The following MBOAT7 variants were observed in gnomAD, a reference collection of about 807,000 sequenced individuals.
MBOAT7 encodes membrane bound acylglycerophosphatidylinositol O-acyltransferase MBOAT7.
MBOAT7 carries 40 observed loss-of-function variants against 47.4 expected under a neutral mutation model. The observed-to-expected ratio is 0.84, with a 90% CI of 0.66 to 1.10. MBOAT7 has a LOEUF of 1.10. Among genes scored for constraint, MBOAT7 ranks in the 50% least tolerant of loss-of-function variants. The pLI, the probability that MBOAT7 is intolerant of heterozygous loss-of-function variation, is 0.00. For missense variants in MBOAT7, 680 were observed against 655.6 expected (o/e 1.04, Z -0.41); for synonymous variants, 361 against 292.0 (o/e 1.24, Z -2.41).
intron 7 of MBOAT7, among the ~76,000 whole-genome samples, chr19:54,175,781 G>A (rs1322185208): frequency 1.3e-5 from 2 of 152,120 alleles, no homozygotes; most frequent in Non-Finnish European, 2.9e-5. Flanking sequence ...CTGGAGTGCA[G>A]TGGTGCAATC....
intron 7 of MBOAT7, among the ~76,000 whole-genome samples, chr19:54,175,981 C>T (rs1256958523): frequency 6.6e-6 from 1 of 152,136 alleles, no homozygotes; most frequent in Non-Finnish European, 1.5e-5. Context: ...CCGTGGCCTA[C>T]CAAAGTGCTG....
chr19:54,181,505 T>G (rs1178442252), intron 5 of MBOAT7, among the ~76,000 whole-genome samples: 1 of 148,882 alleles, frequency 6.7e-6, no homozygotes, highest in Non-Finnish European at 1.5e-5. Flanking sequence ...AAAATAAAAA[T>G]CAGCCAGGTG....
chr19:54,181,256 G>C (rs1432720675), intron 5 of MBOAT7, 123 bp from the exon 6 acceptor site: 10 of 1,215,422 alleles, frequency 8.2e-6, no homozygotes, highest in African/African-American at 1.6e-5. Context: ...CAGAGACTGG[G>C]CGCCGGGGAG....
At chr19:54,185,399 C>A (rs2076402185) in intron 4 of MBOAT7, among the ~76,000 whole-genome samples, 2 of 152,048 alleles carry the variant, frequency 1.3e-5, no homozygotes, top group South Asian at 4.1e-4. Flanking sequence ...CAACCTGACC[C>A]ATTTCCCCTG....
chr19:54,175,220 T>G (rs138724599), intron 7 of MBOAT7, among the ~76,000 whole-genome samples: 3 of 152,148 alleles, frequency 2.0e-5, no homozygotes, highest in African/African-American at 7.2e-5. Context: ...CCTCGTGATC[T>G]GCCCGCCTTG....
intron 7 of MBOAT7, 141 bp downstream of exon 7, chr19:54,178,623 AG>A: frequency 7.0e-7 from 1 of 1,436,046 alleles, no homozygotes; most frequent in Non-Finnish European, 9.1e-7. Context: ...AATTAGAGGC[AG>A]GGCAAAACCA....
intron 7 of MBOAT7, among the ~76,000 whole-genome samples, chr19:54,175,260 C>A (rs553413973): frequency 6.6e-6 from 1 of 152,122 alleles, no homozygotes; most frequent in Admixed American, 6.5e-5. Context: ...TCACAGGTGT[C>A]AGACACCACA....
intron 6 of MBOAT7, 52 bp from the exon 7 acceptor site, chr19:54,178,993 C>A: frequency 6.3e-7 from 1 of 1,592,290 alleles, no homozygotes; most frequent in East Asian, 2.2e-5. Context: ...CAGCCAGGCC[C>A]CCTCCCGACG....
Position 54,181,130 on chromosome 19 carries a change from G to C in MBOAT7, c.497C>G (p.Pro166Arg). Residue 166 changes from proline (P) to arginine (R), a missense_variant, in exon 6 of 8, where the codon CCG becomes CGG. Coordinates refer to ENST00000245615, the MANE Select transcript of MBOAT7 (RefSeq NM_024298.5). ...SYCYVGIMTG[P>R]FFRYRTYLDW... ...CAGGTAGGTGCGGTAGCGGAAGAAC[G>C]GGCCTGTGGGGCGGGGAGGGAGGGC... 1 of 1,467,074 alleles carries C rather than the reference G, an allele frequency of 6.8e-7. No homozygotes were observed. Among genetic ancestry groups the C allele is most frequent in the East Asian group, 2.5e-5 (1 of 40,416 alleles). 90.9% of individuals were successfully genotyped at this position (1,467,074 alleles called of 1,614,324 possible).
intron 3 of MBOAT7, 134 bp downstream of exon 3, chr19:54,188,083 C>T (rs1398690009): frequency 2.6e-6 from 2 of 759,894 alleles, no homozygotes; most frequent in Non-Finnish European, 2.0e-6. Context: ...AACAAACAAA[C>T]ATGAAACAGA....
At position 54,173,535 on chromosome 19, in the gene MBOAT7, G is replaced by A. The variant is rs973994903; in HGVS notation, c.*509C>T. ...GTGGCTCAGATGGAAGCCATGGGAC[G>A]GCCGTCCCCAGGCCCGCGCACCCGC... On this transcript the variant is annotated 3_prime_UTR_variant, in exon 8 of 8. Transcript: ENST00000245615. The A allele has an allele frequency of 1.1e-5, 2 of 181,990 alleles. No individual in the cohort carries two copies. The highest frequency in any genetic ancestry group is 4.7e-5 in the African/African-American group (2 of 42,302). 11.3% of individuals were successfully genotyped at this position (181,990 alleles called of 1,614,324 possible). A position where few individuals can be genotyped will look rare whatever the true frequency, so the allele number is the denominator to read the frequency against.
At position 54,180,771 on chromosome 19, in the gene MBOAT7, A is replaced by T. The variant is rs2076239523; in HGVS notation, c.854+2T>A. On this transcript the variant is annotated splice_donor_variant, in intron 6 of 7. Coordinates refer to ENST00000245615, the MANE Select transcript of MBOAT7 (RefSeq NM_024298.5). LOFTEE classifies it high-confidence loss of function. This position sits in a 1 kb window ranked among gnomAD's most constrained non-coding sequence, Gnocchi z 5.2. Reference sequence around the variant, plus strand: ...TGGGAAGCCTCCCTCGCGCCGCCTGACCTGCTGGGGGGTGGGCATTGGAGG... The same window carrying T: ...TGGGAAGCCTCCCTCGCGCCGCCTGTCCTGCTGGGGGGTGGGCATTGGAGG... 1 of 1,476,164 alleles carries T rather than the reference A, an allele frequency of 6.8e-7. No individual in the cohort carries two copies. The highest frequency in any genetic ancestry group is 9.0e-7 in the Non-Finnish European group (1 of 1,109,954). The allele number at this position is 1,476,164 out of a possible 1,614,324, so 91.4% of individuals were successfully genotyped here.
At chr19:54,186,701 A>G (rs907297838) in intron 4 of MBOAT7, among the ~76,000 whole-genome samples, 6 of 152,136 alleles carry the variant, frequency 3.9e-5, no homozygotes, top group Middle Eastern at 3.2e-3. Flanking sequence ...GTAGGAAACC[A>G]TGACTCTGTG....
chr19:54,181,993 GGGAGGGAGGGAA>G (rs2076298925), intron 5 of MBOAT7, among the ~76,000 whole-genome samples: 1 of 5,764 alleles, frequency 1.7e-4, no homozygotes, highest in African/African-American at 9.6e-4. Flanking sequence ...GAAGGAAGGA[GGGAGGGAGGGAA>G]GGAGGGAAGG....
At position 54,187,215 on chromosome 19, in the gene MBOAT7, G is replaced by A. The variant is rs768066555; in HGVS notation, c.279C>T (p.Gly93=). 1 of 1,603,350 alleles carries A rather than the reference G, an allele frequency of 6.2e-7. No homozygotes were observed. The change falls in exon 4 of 8, where the codon GGC becomes GGT. Residue 93 remains glycine (G), a synonymous_variant. Coordinates refer to ENST00000245615, the MANE Select transcript of MBOAT7 (RefSeq NM_024298.5). ...TGGTGAAGGGCGTGGGAGTGGGCAGGCCCAGGAGGCTGAGGGCTCGGAAGA... is the reference window on the plus strand; with the variant it reads ...TGGTGAAGGGCGTGGGAGTGGGCAGACCCAGGAGGCTGAGGGCTCGGAAGA... ...LLFFRALSLL[G]LPTPTPFTNA...
Position 54,185,191 on chromosome 19 carries a change from C to T in MBOAT7, c.334-1511G>A, listed in dbSNP as rs183585458. 5.1e-3 allele frequency among the ~76,000 whole-genome samples: 770 copies of T among 152,046 alleles called. 3 individuals carry two copies. Among genetic ancestry groups the T allele is most frequent in the African/African-American group, 0.013 (536 of 41,480 alleles). On this transcript the variant is annotated intron_variant, in intron 4 of 7. Transcript: ENST00000245615. ...CTGCACTCCAGCCTGGGCAACAGAG[C>T]GAGACTCCATCTTTAAAAATAAATA...
At chr19:54,188,112 A>C in intron 3 of MBOAT7, 105 bp downstream of exon 3, 2 of 1,103,328 alleles carry the variant, frequency 1.8e-6, no homozygotes, top group Non-Finnish European at 2.6e-6. Context: ...CTGATCAACA[A>C]GAGACAGCTA....
chr19:54,181,156 C>T (rs756563045), intron 5 of MBOAT7, 23 bp from the exon 6 acceptor site: 27 of 1,450,954 alleles, frequency 1.9e-5, no homozygotes, highest in South Asian at 2.9e-5. Flanking sequence ...GAGGGAGGGC[C>T]GCGGTCAGAC....
intron 7 of MBOAT7, among the ~76,000 whole-genome samples, chr19:54,177,456 C>T (rs996895697): frequency 1.3e-5 from 2 of 150,840 alleles, no homozygotes; most frequent in African/African-American, 4.9e-5. Context: ...CCGCCACACC[C>T]GGCTAATTTT....
Sources: allele counts gnomAD v4.1 joint callset (sites outside exome capture counted in the v4.1 genomes callset), GRCh38; gene constraint gnomAD v4.1.1; non-coding constraint Gnocchi (gnomAD v3.1); transcripts MANE v1.5; gene names NCBI Gene and HGNC (gene_info 2026-07-23, HGNC 2026-07-21).